The following FBXL5 variants were observed in gnomAD, a reference collection of about 807,000 sequenced individuals.
FBXL5 encodes the protein F-box/LRR-repeat protein 5.
Under a neutral mutation model 78.3 loss-of-function variants are expected in FBXL5, and 26 were observed. The ratio of observed to expected loss-of-function variants is 0.33; its 90% CI spans 0.24 to 0.46. The LOEUF (loss-of-function observed/expected upper bound fraction) is 0.46, where lower values mean the gene tolerates loss of function less well. Ranked by LOEUF, FBXL5 falls within the 20% of genes least tolerant of loss-of-function variation. The pLI, the probability that FBXL5 is intolerant of heterozygous loss-of-function variation, is 1.00. For missense variants in FBXL5, 710 were observed against 829.2 expected (o/e 0.86, Z 1.77); for synonymous variants, 295 against 282.5 (o/e 1.04, Z -0.45).
intron 1 of FBXL5, among the ~76,000 whole-genome samples, chr4:15,647,222 CAAAAAAAAAAA>C (rs112736448): frequency 4.4e-4 from 16 of 36,530 alleles, no homozygotes; most frequent in Admixed American, 2.8e-3. Context: ...GACTCCATCT[CAAAAAAAAAAA>C]AAAAAAAAAA....
In FBXL5 at chr4:15,625,804, T is replaced by C. The variant is rs1342962361; in HGVS notation, c.1298A>G (p.Asn433Ser). The C allele has an allele frequency of 3.1e-6, 5 of 1,614,058 alleles. No individual in the cohort carries two copies. Among genetic ancestry groups the C allele is most frequent in the South Asian group, 1.1e-5 (1 of 91,078 alleles). Residue 433 changes from asparagine to serine, a missense_variant, in exon 9 of 11, where the codon AAT (asparagine) becomes AGT (serine). By Grantham distance (46) the Asn-to-Ser change is conservative. This residue lies in a region of FBXL5 where 517 missense variants were observed against 542.9 expected (regional missense o/e 0.95). Transcript: ENST00000341285. Reference sequence around the variant, plus strand: ...GGTGGACTGCATGGTAATGTCTTTATTTTTCCACGCAGTTGAAGTAATTTT... The same window carrying C: ...GGTGGACTGCATGGTAATGTCTTTACTTTTCCACGCAGTTGAAGTAATTTT... ...TSKITSTAWK[N>S]KDITMQSTKQ... is the part of the protein sequence containing the mutation.
intron 9 of FBXL5, among the ~76,000 whole-genome samples, chr4:15,616,035 C>T (rs12512883): frequency 0.31 from 46,801 of 151,408 alleles, 7,446 homozygotes; most frequent in Middle Eastern, 0.43. Context: ...ACGAGGCCAC[C>T]GGGAGGAATG....
intron 1 of FBXL5, among the ~76,000 whole-genome samples, chr4:15,676,281 A>T (rs1717988778): frequency 6.6e-6 from 1 of 152,238 alleles, no homozygotes; most frequent in Non-Finnish European, 1.5e-5. Flanking sequence ...GAAGTAGTCA[A>T]ACCTGAACCT....
In FBXL5 at chr4:15,625,773, C is replaced by T; in HGVS notation, c.1329G>A (p.Gln443=). The T allele has an allele frequency of 6.2e-7, 1 of 1,614,174 alleles. No individual in the cohort carries two copies. The highest frequency in any genetic ancestry group is 8.5e-7 in the Non-Finnish European group (1 of 1,180,020). The change falls in exon 9 of 11, where the codon CAG becomes CAA. Residue 443 remains glutamine (Q), a synonymous_variant. Coordinates refer to ENST00000341285, the MANE Select transcript of FBXL5 (RefSeq NM_012161.4). ...TAGTTAAATCGTGCAAACAGGCATA[C>T]TGCTTGGTGGACTGCATGGTAATGT... is the stretch of plus-strand genomic sequence containing the variant. ...NKDITMQSTK[Q]YACLHDLTNK... is the part of the protein sequence containing the mutation.
intron 10 of FBXL5, chr4:15,612,057 T>G (rs555598884): frequency 2.4e-6 from 1 of 420,296 alleles, no homozygotes; most frequent in Non-Finnish European, 4.2e-6. Flanking sequence ...AATGGATATT[T>G]AGAATATACA....
Position 15,625,526 on chromosome 4 carries a change from C to A in FBXL5, c.1576G>T (p.Val526Phe), listed in dbSNP as rs1712953286. Reference protein sequence around the residue: ...STSGCFSKDIVGLRTSVCWQQ... With the variant: ...STSGCFSKDIFGLRTSVCWQQ... The stretch of plus-strand genomic sequence containing the variant: ...CAACAGACACTAGTCCTTAGTCCAA[C>A]AATGTCCTTACTAAAACAACCAGAG... Residue 526 changes from valine to phenylalanine, a missense_variant, in exon 9 of 11, where the codon GTT (valine) becomes TTT (phenylalanine). Physicochemically the swap from Val to Phe is conservative, Grantham distance 50 (BLOSUM62 -1). Coordinates refer to ENST00000341285, the MANE Select transcript of FBXL5 (RefSeq NM_012161.4). The A allele has an allele frequency of 1.9e-6, 3 of 1,614,148 alleles. No individual in the cohort carries two copies. The highest frequency in any genetic ancestry group is 2.5e-6 in the Non-Finnish European group (3 of 1,180,010).
At chr4:15,615,154 G>T (rs1711668159) in intron 9 of FBXL5, among the ~76,000 whole-genome samples, 1 of 152,158 alleles carries the variant, frequency 6.6e-6, no homozygotes, top group South Asian at 2.1e-4. Context: ...CTTCCTGCGG[G>T]GCAGGGCTCG....
chr4:15,630,921 G>GTT (rs201608870), intron 5 of FBXL5, 130 bp from the exon 6 acceptor site: 9 of 1,127,866 alleles, frequency 8.0e-6, no homozygotes, highest in African/African-American at 1.6e-5. Flanking sequence ...ATAAGCAACT[G>GTT]TTTTTTTTTA....
chr4:15,650,215 C>T (rs995128660), intron 1 of FBXL5, among the ~76,000 whole-genome samples: 2 of 152,206 alleles, frequency 1.3e-5, no homozygotes, highest in African/African-American at 2.4e-5. Context: ...AAAAAGAAAT[C>T]ATCTGCCTCA....
At chr4:15,617,871 C>T (rs772267197) in intron 9 of FBXL5, among the ~76,000 whole-genome samples, 17 of 152,130 alleles carry the variant, frequency 1.1e-4, no homozygotes, top group Non-Finnish European at 2.2e-4. Flanking sequence ...GGGATTAATA[C>T]GTGAGTGATG....
intron 5 of FBXL5, among the ~76,000 whole-genome samples, chr4:15,633,208 T>C (rs1313480368): frequency 1.3e-5 from 2 of 152,194 alleles, no homozygotes. Context: ...GGAAACAGAA[T>C]AATAACTACA....
intron 1 of FBXL5, among the ~76,000 whole-genome samples, chr4:15,653,512 A>G (rs558891072): frequency 2.0e-4 from 30 of 152,272 alleles, no homozygotes; most frequent in Non-Finnish European, 3.1e-4. Context: ...CAAACACCCT[A>G]GGAAAATGGA....
chr4:15,669,414 CATT>C (rs2148802524), intron 1 of FBXL5, among the ~76,000 whole-genome samples: 1 of 152,214 alleles, frequency 6.6e-6, no homozygotes, highest in African/African-American at 2.4e-5. Context: ...AACAGAATGT[CATT>C]ATATATCAAA....
chr4:15,663,481 C>T (rs186808746), upstream of FBXL5, among the ~76,000 whole-genome samples: 330 of 152,302 alleles, frequency 2.2e-3, no homozygotes, highest in Non-Finnish European at 3.7e-3. Flanking sequence ...CAAATCTCAG[C>T]TGGTCCACTT....
At chr4:15,656,540 TGAGA>T (rs956997935), upstream of FBXL5, among the ~76,000 whole-genome samples, 23 of 152,168 alleles carry the variant, frequency 1.5e-4, no homozygotes, top group African/African-American at 5.5e-4. Flanking sequence ...TAGAAGAAGG[TGAGA>T]AAGAACTTTG....
intron 9 of FBXL5, among the ~76,000 whole-genome samples, chr4:15,620,231 G>A (rs994114090): frequency 6.6e-6 from 1 of 151,978 alleles, no homozygotes; most frequent in African/African-American, 2.4e-5. Flanking sequence ...TAACCATAGA[G>A]GTAAAGGACT....
At chr4:15,641,424 G>A (rs907248273) in intron 2 of FBXL5, 1 of 355,018 alleles carries the variant, frequency 2.8e-6, no homozygotes, top group Non-Finnish European at 5.4e-6. Flanking sequence ...AGACAATGAG[G>A]ATAAAGACAT....
At chr4:15,614,277 G>A (rs1711556326) in intron 9 of FBXL5, among the ~76,000 whole-genome samples, 3 of 152,344 alleles carry the variant, frequency 2.0e-5, no homozygotes, top group South Asian at 4.1e-4. Flanking sequence ...GATGAGTCCT[G>A]TGATGGGATC....
At chr4:15,638,890 C>T (rs1019906593) in intron 3 of FBXL5, among the ~76,000 whole-genome samples, 196 bp from the exon 4 acceptor site, 3 of 152,164 alleles carry the variant, frequency 2.0e-5, no homozygotes, top group Non-Finnish European at 4.4e-5. Context: ...CCTGGCCAGG[C>T]GCGGTGGCTA....
Sources: gnomAD v4.1 joint callset for allele counts (sites outside exome capture counted in the v4.1 genomes callset) on GRCh38, gnomAD v4.1.1 for gene constraint, gnomAD v4.1.1 regional missense constraint, MANE v1.5 for transcripts, NCBI Gene and HGNC (gene_info 2026-07-23, HGNC 2026-07-21) for gene names.